UBR2: variants seen among roughly 807,000 people sequenced by gnomAD.
The protein encoded by UBR2 is ubiquitin protein ligase E3 component n-recognin 2, also known as E3 ubiquitin-protein ligase UBR2.
Under a neutral mutation model 247.9 loss-of-function variants are expected in UBR2, and 92 were observed. The ratio of observed to expected loss-of-function variants is 0.37; its 90% CI spans 0.31 to 0.44. UBR2 has a LOEUF of 0.44. Among genes scored for constraint, UBR2 ranks in the 20% least tolerant of loss-of-function variants. The pLI is 1.00. For synonymous variants in UBR2, 672 were observed against 693.5 expected (o/e 0.97, Z 0.49); for missense variants, 1,613 against 2,112.6 (o/e 0.76, Z 4.64).
chr6:42,626,822 T>A (rs1337229856), intron 11 of UBR2, among the ~76,000 whole-genome samples: 1 of 152,202 alleles, frequency 6.6e-6, no homozygotes, highest in Non-Finnish European at 1.5e-5. Flanking sequence ...AACGTTGAAC[T>A]CAGTTCCCCC....
At chr6:42,673,960 C>G in intron 37 of UBR2, 73 bp downstream of exon 37, 1 of 1,375,052 alleles carries the variant, frequency 7.3e-7, no homozygotes, top group African/African-American at 1.5e-5. Context: ...GGTACAGCTT[C>G]TCTCAGTAAT....
chr6:42,621,482 G>A (rs1311317070), intron 11 of UBR2, among the ~76,000 whole-genome samples: 1 of 151,168 alleles, frequency 6.6e-6, no homozygotes, highest in Non-Finnish European at 1.5e-5. Context: ...GTTTTTTTGA[G>A]ATGGAGTTTC....
chr6:42,615,955 A>G (rs1794515023), intron 9 of UBR2, 47 bp from the exon 10 acceptor site: 6 of 1,339,694 alleles, frequency 4.5e-6, no homozygotes, highest in Non-Finnish European at 5.1e-6. Context: ...TGAGAAATGT[A>G]ATTGTTGGGC....
chr6:42,621,972 T>G (rs1473336963), intron 11 of UBR2, among the ~76,000 whole-genome samples: 3 of 152,136 alleles, frequency 2.0e-5, no homozygotes, highest in Non-Finnish European at 4.4e-5. Context: ...TTAAAAAAAT[T>G]TCTTTCAATA....
intron 11 of UBR2, among the ~76,000 whole-genome samples, chr6:42,623,422 C>G (rs957554408): frequency 1.3e-5 from 2 of 152,144 alleles, no homozygotes; most frequent in African/African-American, 4.8e-5. Flanking sequence ...TAGGCATGCA[C>G]CACTGAGCCC....
chr6:42,636,871 A>C, intron 14 of UBR2, 140 bp from the exon 15 acceptor site: 5 of 801,966 alleles, frequency 6.2e-6, no homozygotes, highest in Non-Finnish European at 9.6e-6. Flanking sequence ...TGGAAGAGGG[A>C]CCAAATTTGG....
intron 1 of UBR2, among the ~76,000 whole-genome samples, chr6:42,566,324 T>C (rs1021970267): frequency 2.0e-5 from 3 of 152,158 alleles, no homozygotes; most frequent in Non-Finnish European, 4.4e-5. Flanking sequence ...CAAAAAATTA[T>C]TAATTTGGAC....
intron 2 of UBR2, among the ~76,000 whole-genome samples, chr6:42,577,988 CACAT>C (rs1217615733): frequency 1.3e-5 from 2 of 151,824 alleles, no homozygotes; most frequent in African/African-American, 4.8e-5. Context: ...TTGATACACA[CACAT>C]AAGGTGTAAT....
Position 42,615,913 on chromosome 6 carries a change from C to CA in UBR2, c.1094-81dup, listed in dbSNP as rs201081142. ...TCTCAAAAGTAAAAACAAAACAAAA[C>CA]AAAAAAAACCCACTGTGGATCACAT... On this transcript the variant is annotated intron_variant, in intron 9 of 46. Coordinates refer to ENST00000372901, the MANE Select transcript of UBR2 (RefSeq NM_001363705.2). The CA allele has an allele frequency of 8.2e-4, 837 of 1,024,066 alleles. 3 individuals are homozygous for CA. In the African/African-American group the frequency reaches 0.011, roughly 13 times the overall value. 63.4% of individuals were successfully genotyped at this position (1,024,066 alleles called of 1,614,324 possible).
At chr6:42,573,275 G>C (rs980859394) in intron 1 of UBR2, among the ~76,000 whole-genome samples, 2 of 152,176 alleles carry the variant, frequency 1.3e-5, no homozygotes, top group Non-Finnish European at 2.9e-5. Flanking sequence ...ATTAAGAAAT[G>C]TGTATTGGCT....
chr6:42,592,117 C>T, intron 2 of UBR2, 34 bp from the exon 3 acceptor site: 2 of 1,549,300 alleles, frequency 1.3e-6, no homozygotes, highest in Non-Finnish European at 1.8e-6. Context: ...TAGTTATTTT[C>T]TGACACTTTG....
At chr6:42,667,587 C>CTTTTTTTTTTTTTTTTTTTTTTTT (rs1161068427) in intron 34 of UBR2, among the ~76,000 whole-genome samples, 1 of 47,428 alleles carries the variant, frequency 2.1e-5, no homozygotes, top group Non-Finnish European at 3.4e-5. Flanking sequence ...ACAGTTTTGT[C>CTTTTTTTTTTTTTTTTTTTTTTTT]TTTTTTTTTT....
At chr6:42,603,785 A>G (rs1793532333) in intron 5 of UBR2, 67 bp downstream of exon 5, 2 of 1,440,982 alleles carry the variant, frequency 1.4e-6, no homozygotes. Flanking sequence ...CACAGCTAGT[A>G]TAGGGCATAA....
At chr6:42,635,325 C>A in intron 13 of UBR2, 93 bp from the exon 14 acceptor site, 1 of 1,257,754 alleles carries the variant, frequency 8.0e-7, no homozygotes, top group Non-Finnish European at 1.1e-6. Flanking sequence ...TTTTTATAAT[C>A]AATATATATT....
intron 30 of UBR2, among the ~76,000 whole-genome samples, chr6:42,660,915 C>T (rs1055886819): frequency 4.6e-5 from 7 of 151,486 alleles, no homozygotes; most frequent in Non-Finnish European, 1.0e-4. Context: ...TGCAGTGAGC[C>T]GAGATTGCAC....
chr6:42,619,570 G>A (rs1487458102), intron 11 of UBR2: 2 of 221,774 alleles, frequency 9.0e-6, no homozygotes, highest in Non-Finnish European at 1.7e-5. Flanking sequence ...CCAACATGGT[G>A]AAACCCCATC....
At chr6:42,661,985 G>C (rs1797840956) in intron 30 of UBR2, among the ~76,000 whole-genome samples, 199 bp from the exon 31 acceptor site, 1 of 152,208 alleles carries the variant, frequency 6.6e-6, no homozygotes, top group African/African-American at 2.4e-5. Context: ...TTAATTTGCT[G>C]TGGGTGGTGA....
At chr6:42,583,760 A>G (rs1792065126) in intron 2 of UBR2, among the ~76,000 whole-genome samples, 1 of 151,338 alleles carries the variant, frequency 6.6e-6, no homozygotes, top group Non-Finnish European at 1.5e-5. Context: ...CTGACCTCAA[A>G]TGATCTGCCC....
rs188479676 is a variant in UBR2 at position 42,681,260 on chromosome 6, G to C, written c.4718+1428G>C. On this transcript the variant is annotated intron_variant, in intron 42 of 46. Transcript: ENST00000372901. The stretch of plus-strand genomic sequence containing the variant: ...ACATTAGGCATGCTGACATGTACCT[G>C]TCAGGAGGCTGAAGTGGGAGGATCA... Among the ~76,000 whole-genome samples, 273 of 151,054 alleles carry C rather than the reference G, an allele frequency of 1.8e-3. 4 individuals are homozygous for C. The highest frequency in any genetic ancestry group is 1.3e-3 in the Non-Finnish European group (91 of 67,762).
Sources: gnomAD v4.1 joint callset for allele counts (sites outside exome capture counted in the v4.1 genomes callset) on GRCh38, gnomAD v4.1.1 for gene constraint, MANE v1.5 for transcripts, NCBI Gene and HGNC (gene_info 2026-07-23, HGNC 2026-07-21) for gene names.